The following UST variants were observed in gnomAD, a reference collection of about 807,000 sequenced individuals.
The protein encoded by UST is uronyl 2-sulfotransferase, also known as chondroitin sulfate 2-O-sulfotransferase.
Under a neutral mutation model 45.6 loss-of-function variants are expected in UST, and 21 were observed. The observed-to-expected ratio is 0.46, with a 90% CI of 0.33 to 0.66. UST has a LOEUF of 0.66. UST is among the 30% of genes least tolerant of loss of function. UST has a pLI of 0.02. For synonymous variants in UST, 215 were observed against 200.6 expected, an observed-to-expected ratio of 1.07 and a Z score of -0.61; for missense variants, 463 against 512.4, an observed-to-expected ratio of 0.90 and a Z score of 0.93.
intron 1 of UST, among the ~76,000 whole-genome samples, chr6:148,862,515 T>C (rs1778338920): frequency 6.6e-6 from 1 of 152,210 alleles, no homozygotes; most frequent in African/African-American, 2.4e-5. Flanking sequence ...TTAATATTGT[T>C]GTGTGTGAAT....
chr6:148,889,400 C>A (rs1252947084), intron 2 of UST, among the ~76,000 whole-genome samples: 3 of 152,004 alleles, frequency 2.0e-5, no homozygotes, highest in Non-Finnish European at 2.9e-5. Flanking sequence ...GTAGAGAAAA[C>A]ATTTTTAGAG....
chr6:148,761,183 C>T (rs762162197), intron 1 of UST, among the ~76,000 whole-genome samples: 4 of 152,202 alleles, frequency 2.6e-5, no homozygotes, highest in East Asian at 3.8e-4. Context: ...CAAGCACGTG[C>T]GGCCAAGTTC....
At chr6:149,054,467 A>ATCT (rs1776533829) in intron 7 of UST, among the ~76,000 whole-genome samples, 1 of 152,210 alleles carries the variant, frequency 6.6e-6, no homozygotes, top group Admixed American at 6.5e-5. Context: ...TGTCTTAGCA[A>ATCT]TCTTCTGTGG....
chr6:148,812,985 T>A (rs979782795), intron 1 of UST, among the ~76,000 whole-genome samples: 16 of 152,228 alleles, frequency 1.1e-4, no homozygotes, highest in Admixed American at 9.2e-4. Context: ...AATGCAGAAT[T>A]ATCGGATCAT....
chr6:148,951,475 G>T (rs1170389267), intron 3 of UST, among the ~76,000 whole-genome samples: 1 of 152,170 alleles, frequency 6.6e-6, no homozygotes, highest in African/African-American at 2.4e-5. Flanking sequence ...TTTATGCCAT[G>T]GAATCAGACT....
intron 7 of UST, among the ~76,000 whole-genome samples, chr6:149,063,519 C>T (rs1776688026): frequency 6.6e-6 from 1 of 152,124 alleles, no homozygotes; most frequent in South Asian, 2.1e-4. Context: ...GCAACCAAAC[C>T]ACAAAGTTAA....
intron 7 of UST, among the ~76,000 whole-genome samples, chr6:149,026,270 C>T (rs183398555): frequency 3.9e-5 from 6 of 151,926 alleles, no homozygotes; most frequent in East Asian, 1.9e-4. Context: ...CTATGATGAT[C>T]GCACCCATTG....
intron 1 of UST, among the ~76,000 whole-genome samples, chr6:148,878,444 G>A (rs62426096): frequency 0.3 from 27,411 of 90,456 alleles, 5,682 homozygotes; most frequent in African/African-American, 0.38. Flanking sequence ...GTGGGGGATC[G>A]TGTATGAGTG....
intron 3 of UST, among the ~76,000 whole-genome samples, chr6:148,946,527 A>AAAAAAAAAAAAAAAAAAAAAAAAAAAC: frequency 7.2e-6 from 1 of 139,170 alleles, no homozygotes; most frequent in African/African-American, 2.7e-5. Flanking sequence ...AAAAAAAAAA[A>AAAAAAAAAAAAAAAAAAAAAAAAAAAC]AAGGCCGGGT....
At chr6:148,919,348 G>A (rs1483010682) in intron 2 of UST, among the ~76,000 whole-genome samples, 2 of 152,100 alleles carry the variant, frequency 1.3e-5, no homozygotes, top group Non-Finnish European at 2.9e-5. Context: ...CCAGCCAAAG[G>A]AAATGTCAGA....
chr6:148,964,410 G>T lies in UST; in HGVS notation c.528G>T (p.Arg176Ser), dbSNP rs1780737501. 1.2e-6 allele frequency: 2 copies of T among 1,614,012 alleles called. No homozygotes were observed. The highest frequency in any genetic ancestry group is 1.7e-5 in the Admixed American group (1 of 60,002). ...TRHVHFLNFS[R>S]FGGDQPVYIN... ...GTAACGAACTCAATGTTTGTGTTAG[G>T]TTTGGAGGAGACCAGCCTGTCTACA... The change falls in exon 5 of 8, where the codon AGG (arginine) becomes AGT (serine). Residue 176 changes from arginine to serine, a missense_variant and splice_region_variant. Coordinates refer to ENST00000367463, the MANE Select transcript of UST (RefSeq NM_005715.3).
chr6:149,067,040 G>A (rs569377391), intron 7 of UST, among the ~76,000 whole-genome samples: 28 of 152,276 alleles, frequency 1.8e-4, no homozygotes, highest in African/African-American at 6.7e-4. Context: ...GGGAAATGGA[G>A]GTTAAATGTG....
At chr6:149,071,568 A>AT (rs948119681) in intron 7 of UST, among the ~76,000 whole-genome samples, 5 of 152,018 alleles carry the variant, frequency 3.3e-5, no homozygotes, top group Admixed American at 1.3e-4. Flanking sequence ...GGATTTGGCA[A>AT]TTTTTTTTAA....
chr6:148,819,003 G>A (rs906582739), intron 1 of UST, among the ~76,000 whole-genome samples: 1 of 151,950 alleles, frequency 6.6e-6, no homozygotes, highest in African/African-American at 2.4e-5. Context: ...CACTCTTTGG[G>A]GAAAAAAATG....
intron 7 of UST, among the ~76,000 whole-genome samples, chr6:149,062,551 CT>C (rs1392753799): frequency 6.6e-6 from 1 of 152,184 alleles, no homozygotes. Context: ...TCACCAGATC[CT>C]CCCAGACTTA....
At chr6:149,052,687 TG>T (rs1776505719) in intron 7 of UST, among the ~76,000 whole-genome samples, 1 of 152,208 alleles carries the variant, frequency 6.6e-6, no homozygotes. Context: ...TTCTATGAAA[TG>T]TTATTCTGCT....
chr6:148,937,012 A>G (rs1780039348), intron 2 of UST, among the ~76,000 whole-genome samples: 1 of 152,198 alleles, frequency 6.6e-6, no homozygotes, highest in Non-Finnish European at 1.5e-5. Context: ...ACAAATCTAT[A>G]GTTCTACCAG....
intron 1 of UST, among the ~76,000 whole-genome samples, chr6:148,840,720 A>G (rs2114772102): frequency 6.6e-6 from 1 of 152,332 alleles, no homozygotes; most frequent in African/African-American, 2.4e-5. Flanking sequence ...TGTATTTTGA[A>G]AAAAATCTGC....
intron 2 of UST, among the ~76,000 whole-genome samples, chr6:148,923,046 T>C (rs1471796090): frequency 6.6e-6 from 1 of 151,830 alleles, no homozygotes; most frequent in African/African-American, 2.4e-5. Context: ...GATCCACCCA[T>C]CTCGGCCTCC....
Sources: allele counts gnomAD v4.1 joint callset (sites outside exome capture counted in the v4.1 genomes callset), GRCh38; gene constraint gnomAD v4.1.1; transcripts MANE v1.5; gene names NCBI Gene and HGNC (gene_info 2026-07-23, HGNC 2026-07-21).